The following TAFA2 variants were observed in gnomAD, a reference collection of about 807,000 sequenced individuals.
TAFA2 encodes the protein TAFA chemokine like family member 2, also known as chemokine-like protein TAFA-2.
In TAFA2, 7 loss-of-function variants were observed where a neutral mutation model predicts 18.8. The ratio of observed to expected loss-of-function variants is 0.37; its 90% CI spans 0.21 to 0.70. The LOEUF (loss-of-function observed/expected upper bound fraction) is 0.70, where lower values mean the gene tolerates loss of function less well. TAFA2 is among the 30% of genes least tolerant of loss of function. The pLI, the probability that TAFA2 is intolerant of heterozygous loss-of-function variation, is 0.53. For missense variants in TAFA2, 122 were observed against 158.1 expected (o/e 0.77, Z 1.23); for synonymous variants, 60 against 54.2 (o/e 1.11, Z -0.47).
At chr12:61,898,548 G>A (rs1309262279) in intron 1 of TAFA2, among the ~76,000 whole-genome samples, 1 of 152,180 alleles carries the variant, frequency 6.6e-6, no homozygotes, top group East Asian at 1.9e-4. Flanking sequence ...AAGCCACCAA[G>A]GCTTGGGGCT....
intron 1 of TAFA2, among the ~76,000 whole-genome samples, chr12:62,088,331 T>C (rs1868544167): frequency 6.6e-6 from 1 of 151,166 alleles, no homozygotes; most frequent in Non-Finnish European, 1.5e-5. Context: ...ACAAGGCAAA[T>C]TGAATTAGCC....
At chr12:62,156,543 C>A (rs2062370882) in intron 1 of TAFA2, among the ~76,000 whole-genome samples, 1 of 152,082 alleles carries the variant, frequency 6.6e-6, no homozygotes, top group Non-Finnish European at 1.5e-5. Flanking sequence ...GTGGAACCAA[C>A]CCAAATGCCC....
At position 62,211,473 on chromosome 12, in the gene TAFA2, G is replaced by A. The variant is rs187401291; in HGVS notation, c.-130+47290C>T. ...TGCCCGCCTTTAATCCCAGCTACTC[G>A]GGAGGCTGAAGCAGGAGAACTGCTT... On this transcript the variant is annotated intron_variant, in intron 1 of 5. Transcript: ENST00000551619. 2.6e-5 allele frequency among the ~76,000 whole-genome samples: 4 copies of A among 151,920 alleles called. No individual in the cohort carries two copies. In the South Asian group the frequency reaches 6.2e-4, roughly 24 times the overall value.
intron 1 of TAFA2, among the ~76,000 whole-genome samples, chr12:61,904,673 C>T (rs946113482): frequency 5.3e-5 from 8 of 152,134 alleles, no homozygotes; most frequent in Non-Finnish European, 1.0e-4. Context: ...TTATAATTCT[C>T]AACTAATGGT....
intron 1 of TAFA2, among the ~76,000 whole-genome samples, chr12:62,098,138 T>G (rs934707465): frequency 6.6e-6 from 1 of 152,182 alleles, no homozygotes; most frequent in East Asian, 1.9e-4. Context: ...GGTCCTTAAC[T>G]TGACATCTAT....
intron 1 of TAFA2, among the ~76,000 whole-genome samples, chr12:61,985,021 A>G (rs1391031648): frequency 6.6e-6 from 1 of 152,226 alleles, no homozygotes; most frequent in African/African-American, 2.4e-5. Flanking sequence ...CCTAGAATTT[A>G]ATTGAGAGAG....
chr12:61,984,273 T>C (rs1349805135), intron 1 of TAFA2, among the ~76,000 whole-genome samples: 1 of 152,204 alleles, frequency 6.6e-6, no homozygotes, highest in Non-Finnish European at 1.5e-5. Flanking sequence ...ATGCTGAAGA[T>C]CCAATAACAA....
intron 1 of TAFA2, among the ~76,000 whole-genome samples, chr12:61,969,942 A>C (rs1241250199): frequency 6.6e-6 from 1 of 151,654 alleles, no homozygotes; most frequent in Admixed American, 6.6e-5. Flanking sequence ...ACGGCAAGTG[A>C]AGCTACATAG....
chr12:61,820,276 C>T (rs796116661), intron 2 of TAFA2, among the ~76,000 whole-genome samples: 4 of 146,086 alleles, frequency 2.7e-5, no homozygotes, highest in African/African-American at 9.7e-5. Flanking sequence ...GTTGAAATAA[C>T]AGGAAAACAA....
intron 1 of TAFA2, among the ~76,000 whole-genome samples, chr12:62,159,917 G>A (rs2062395178): frequency 6.6e-6 from 1 of 152,220 alleles, no homozygotes; most frequent in Non-Finnish European, 1.5e-5. Context: ...TGTATTGGAT[G>A]TTCTTAGACT....
chr12:62,188,779 T>C (rs1327635537), intron 1 of TAFA2, among the ~76,000 whole-genome samples: 2 of 152,168 alleles, frequency 1.3e-5, no homozygotes, highest in Non-Finnish European at 2.9e-5. Flanking sequence ...ACCCTCTAAA[T>C]TTTATCATTT....
chr12:62,125,246 C>A (rs1870402635), intron 1 of TAFA2, among the ~76,000 whole-genome samples: 1 of 152,070 alleles, frequency 6.6e-6, no homozygotes, highest in Non-Finnish European at 1.5e-5. Context: ...CTGGAGTCCT[C>A]ACCCTTAGAA....
At chr12:62,103,289 G>C (rs143436668) in intron 1 of TAFA2, among the ~76,000 whole-genome samples, 206 of 152,308 alleles carry the variant, frequency 1.4e-3, no homozygotes, top group African/African-American at 4.9e-3. Flanking sequence ...AATATTTGCT[G>C]TATGTCTAGC....
chr12:62,182,345 A>G (rs2062558010), intron 1 of TAFA2, among the ~76,000 whole-genome samples: 1 of 152,212 alleles, frequency 6.6e-6, no homozygotes, highest in Non-Finnish European at 1.5e-5. Context: ...TATGAGAAAA[A>G]TGTTTGGAGT....
chr12:61,945,974 AC>A (rs1382506843), intron 1 of TAFA2, among the ~76,000 whole-genome samples: 1 of 133,498 alleles, frequency 7.5e-6, no homozygotes, highest in African/African-American at 3.2e-5. Flanking sequence ...TTCATATGGA[AC>A]CAAAAAAGAG....
chr12:62,236,091 T>C (rs1191070339), intron 1 of TAFA2, among the ~76,000 whole-genome samples: 4 of 152,180 alleles, frequency 2.6e-5, no homozygotes, highest in Admixed American at 2.6e-4. Context: ...TATCTTTTTA[T>C]ACTTCCTATC....
At chr12:61,723,734 A>G (rs906131236) in intron 4 of TAFA2, among the ~76,000 whole-genome samples, 1 of 152,170 alleles carries the variant, frequency 6.6e-6, no homozygotes, top group Non-Finnish European at 1.5e-5. Flanking sequence ...TCTAATTGGT[A>G]TTAGACTAAT....
At chr12:61,910,597 C>T (rs956554553) in intron 1 of TAFA2, among the ~76,000 whole-genome samples, 1 of 152,180 alleles carries the variant, frequency 6.6e-6, no homozygotes, top group African/African-American at 2.4e-5. Context: ...CATCAAGGAG[C>T]TCCCATTTTA....
chr12:61,922,076 G>T (rs1013317876), intron 1 of TAFA2, among the ~76,000 whole-genome samples: 1 of 151,838 alleles, frequency 6.6e-6, no homozygotes, highest in Non-Finnish European at 1.5e-5. Context: ...TAGAGAAGAA[G>T]TACCACAAAG....
Sources: gnomAD v4.1 joint callset for allele counts (sites outside exome capture counted in the v4.1 genomes callset) on GRCh38, gnomAD v4.1.1 for gene constraint, MANE v1.5 for transcripts, NCBI Gene and HGNC (gene_info 2026-07-23, HGNC 2026-07-21) for gene names.